Variants in ADGRG1 observed in about 807,000 individuals in gnomAD.
ADGRG1 encodes the protein adhesion G protein-coupled receptor G1, also known as 7-transmembrane protein with no EGF-like N-terminal domains-1.
A neutral mutation model predicts 73.5 loss-of-function variants in ADGRG1; 53 were observed. The observed-to-expected ratio is 0.72, with a 90% confidence interval of 0.58 to 0.91. The LOEUF is 0.91. Ranked by LOEUF, ADGRG1 falls within the 40% of genes least tolerant of loss-of-function variation. ADGRG1 has a pLI of 0.00. For synonymous variants in ADGRG1, 394 were observed against 374.4 expected (o/e 1.05, Z -0.60); for missense variants, 795 against 871.8 (o/e 0.91, Z 1.11).
intron 1 of ADGRG1, among the ~76,000 whole-genome samples, chr16:57,637,907 A>T (rs2039773197): frequency 6.6e-6 from 1 of 152,192 alleles, no homozygotes; most frequent in South Asian, 2.1e-4. Context: ...AAGTGCTTGT[A>T]GCTGGTTGAC....
At chr16:57,652,119 A>C (rs1376178641) in intron 3 of ADGRG1, 1 of 1,045,736 alleles carries the variant, frequency 9.6e-7, no homozygotes, top group Middle Eastern at 4.7e-4. Flanking sequence ...CCAGCAGCTG[A>C]TTGGAGTGGG....
intron 1 of ADGRG1, chr16:57,647,664 C>T: frequency 2.2e-6 from 1 of 455,502 alleles, no homozygotes; most frequent in Non-Finnish European, 2.9e-6. Flanking sequence ...CTAGAGTCTA[C>T]CCCATGGGTT....
At chr16:57,655,558 C>T (rs759601323) in intron 6 of ADGRG1, 28 bp downstream of exon 6, 24 of 1,612,164 alleles carry the variant, frequency 1.5e-5, no homozygotes, top group Non-Finnish European at 1.9e-5. Flanking sequence ...TCATGCCTCC[C>T]AGGAGAAAGC....
intron 12 of ADGRG1, 21 bp downstream of exon 12, chr16:57,660,897 G>A: frequency 7.2e-7 from 1 of 1,381,098 alleles, no homozygotes; most frequent in African/African-American, 1.4e-5. Context: ...GTGTGCAATG[G>A]GGGCAAGAAG....
At chr16:57,630,972 G>T (rs561261910) in intron 1 of ADGRG1, 17 of 985,750 alleles carry the variant, frequency 1.7e-5, no homozygotes, top group Admixed American at 6.1e-5. Context: ...CTGCTCTGTG[G>T]GGGGGAAGAG....
chr16:57,627,470 A>G (rs1355432829), upstream of ADGRG1, among the ~76,000 whole-genome samples: 2 of 152,152 alleles, frequency 1.3e-5, no homozygotes, highest in Admixed American at 1.3e-4. Context: ...GTTAATTCTC[A>G]TCTCTGAGCT....
chr16:57,641,138 G>C, intron 1 of ADGRG1: 1 of 846,948 alleles, frequency 1.2e-6, no homozygotes, highest in Non-Finnish European at 1.4e-6. Flanking sequence ...AGAGAAGGCA[G>C]TCAGGGGACA....
intron 10 of ADGRG1, chr16:57,659,146 TG>T: frequency 1.0e-6 from 1 of 985,348 alleles, no homozygotes; most frequent in South Asian, 4.7e-5. Context: ...TTTATTACTG[TG>T]GTTGTCTTCC....
Position 57,653,982 on chromosome 16 carries a change from C to T in ADGRG1, c.621-4C>T, listed in dbSNP as rs2044807685. 6.2e-7 allele frequency: 1 copy of T among 1,613,924 alleles called. No individual in the cohort carries two copies. Among genetic ancestry groups the T allele is most frequent in the Admixed American group, 1.7e-5 (1 of 60,032 alleles). On this transcript the variant is annotated splice_region_variant and splice_polypyrimidine_tract_variant and intron_variant, in intron 4 of 13. Coordinates refer to ENST00000562631, the MANE Select transcript of ADGRG1 (RefSeq NM_201525.4). ...CATCACCACCGCTTTCTCCTCCCTG[C>T]CAGGCAGTTGCAGAGCCTGGAGTCG...
At chr16:57,620,485 G>A (rs1268067377), upstream of ADGRG1, among the ~76,000 whole-genome samples, 1 of 152,210 alleles carries the variant, frequency 6.6e-6, no homozygotes, top group Admixed American at 6.5e-5. Flanking sequence ...GGAGGCAGGC[G>A]GCAGGACCTG....
intron 11 of ADGRG1, chr16:57,660,222 C>T (rs962053932): frequency 1.3e-5 from 13 of 985,034 alleles, no homozygotes; most frequent in Non-Finnish European, 1.6e-5. Context: ...CCCTCAACCT[C>T]CGCATGCCCC....
intron 11 of ADGRG1, 41 bp downstream of exon 11, chr16:57,659,722 C>A: frequency 6.2e-7 from 1 of 1,609,854 alleles, no homozygotes; most frequent in South Asian, 1.1e-5. Context: ...CTGCCTCTCC[C>A]ACTTGGCTCT....
chr16:57,649,056 C>A (rs1036260398), intron 1 of ADGRG1, among the ~76,000 whole-genome samples: 1 of 152,182 alleles, frequency 6.6e-6, no homozygotes, highest in Non-Finnish European at 1.5e-5. Context: ...AGATAGTAGC[C>A]GCTCAGCTAA....
intron 1 of ADGRG1, chr16:57,645,068 C>G (rs1228239628): frequency 2.0e-6 from 2 of 985,266 alleles, no homozygotes; most frequent in South Asian, 4.7e-5. Context: ...CACACGCACA[C>G]ACACCCACAT....
intron 1 of ADGRG1, chr16:57,635,805 C>A (rs2039207399): frequency 2.0e-6 from 2 of 985,278 alleles, no homozygotes; most frequent in Admixed American, 6.2e-5. Context: ...TCCTTTGGAT[C>A]CAGTTTTACG....
chr16:57,633,496 C>G lies in ADGRG1; in HGVS notation c.-36+4694C>G, dbSNP rs573154178. On this transcript the variant is annotated intron_variant, in intron 1 of 13. Coordinates refer to ENST00000562631, the MANE Select transcript of ADGRG1 (RefSeq NM_201525.4). ...CTGTCCCAGACCTTTGCTTTTCCAT[C>G]CCTCAGCCAGGCTGCCCCCTAGGAG... 856 of 985,416 alleles carry G rather than the reference C, an allele frequency of 8.7e-4. 1 individual carries two copies. The highest frequency in any genetic ancestry group is 5.2e-3 in the Middle Eastern group (10 of 1,914). The allele number at this position is 985,416 out of a possible 1,614,324, so 61.0% of individuals were successfully genotyped here.
chr16:57,649,194 C>T (rs550150816), intron 1 of ADGRG1, among the ~76,000 whole-genome samples: 1 of 152,272 alleles, frequency 6.6e-6, no homozygotes, highest in South Asian at 2.1e-4. Context: ...ACTGGCTCCC[C>T]CTGGCGGTCA....
At chr16:57,643,978 A>G in intron 1 of ADGRG1, 1 of 984,756 alleles carries the variant, frequency 1.0e-6, no homozygotes, top group South Asian at 4.7e-5. Flanking sequence ...TGTTGGGTAC[A>G]TGCTATTTCC....
chr16:57,661,693 G>C lies in ADGRG1; in HGVS notation c.1665-4G>C, dbSNP rs568956370. ...ACGCTGAGCCCTCCTGCCTTTGCCC[G>C]CAGGTGCTGGATCCGGGACTCCCTG... On this transcript the variant is annotated splice_region_variant and splice_polypyrimidine_tract_variant and intron_variant, in intron 12 of 13. Transcript: ENST00000562631. 3.7e-6 allele frequency: 6 copies of C among 1,612,576 alleles called. No individual in the cohort carries two copies. In the African/African-American group the frequency reaches 6.7e-5, roughly 18 times the overall value.
Sources: allele counts gnomAD v4.1 joint callset (sites outside exome capture counted in the v4.1 genomes callset), GRCh38; gene constraint gnomAD v4.1.1; transcripts MANE v1.5; gene names NCBI Gene and HGNC (gene_info 2026-07-23, HGNC 2026-07-21).